PFKFB3: variants seen among roughly 807,000 people sequenced by gnomAD.
The protein encoded by PFKFB3 is 6-phosphofructo-2-kinase/fructose-2,6-biphosphatase 3, also known as 6-phosphofructo-2-kinase/fructose-2,6-bisphosphatase 3.
In PFKFB3, 33 loss-of-function variants were observed where a neutral mutation model predicts 68.0. The ratio of observed to expected loss-of-function variants is 0.49; its 90% CI spans 0.37 to 0.65. PFKFB3 has a LOEUF of 0.65. Ranked by LOEUF, PFKFB3 falls within the 30% of genes least tolerant of loss-of-function variation. The pLI, the probability that PFKFB3 is intolerant of heterozygous loss-of-function variation, is 0.00. For synonymous variants in PFKFB3, 315 were observed against 288.2 expected (o/e 1.09, Z -0.94); for missense variants, 586 against 712.2 (o/e 0.82, Z 2.02).
rs1330507305 is a variant in PFKFB3, at chr10:6,222,996, A to G, written c.1213+12A>G. 6.2e-7 allele frequency: 1 copy of G among 1,610,540 alleles called. No individual in the cohort carries two copies. The highest frequency in any genetic ancestry group is 1.1e-5 in the South Asian group (1 of 90,872). On this transcript the variant is annotated intron_variant, in intron 11 of 14. Coordinates refer to ENST00000379775, the MANE Select transcript of PFKFB3 (RefSeq NM_004566.4). ...GGATAAGAGTGCAGGTACCTCGGGC[A>G]GGTCGTGGCCCCGGGATGGAGGGAG... is the stretch of plus-strand genomic sequence containing the variant.
intron 1 of PFKFB3, among the ~76,000 whole-genome samples, chr10:6,209,410 A>G (rs1844007942): frequency 6.6e-6 from 1 of 152,190 alleles, no homozygotes; most frequent in Admixed American, 6.5e-5. Context: ...AAAATATTGA[A>G]CATTTACATA....
At chr10:6,217,409 CA>C (rs1844657120) in intron 6 of PFKFB3, among the ~76,000 whole-genome samples, 1 of 152,154 alleles carries the variant, frequency 6.6e-6, no homozygotes, top group Admixed American at 6.5e-5. Flanking sequence ...GGGCAGTGGG[CA>C]GGCTTGGATG....
intron 1 of PFKFB3, among the ~76,000 whole-genome samples, chr10:6,177,920 AC>A (rs1842577313): frequency 6.6e-6 from 1 of 152,066 alleles, no homozygotes; most frequent in African/African-American, 2.4e-5. Flanking sequence ...GGGAGTGGAT[AC>A]CTGAGGTGGG....
At chr10:6,309,866 C>T in the PFKFB3 span, among the ~76,000 whole-genome samples, 1 of 152,130 alleles carries the variant, frequency 6.6e-6, no homozygotes, top group African/African-American at 2.4e-5. Context: ...ATAAATGTTT[C>T]ACTTTCCTGA....
chr10:6,311,544 C>T, the PFKFB3 span, among the ~76,000 whole-genome samples: 2 of 151,978 alleles, frequency 1.3e-5, no homozygotes, highest in African/African-American at 4.8e-5. Flanking sequence ...AGGTCAGGAG[C>T]TCGAGACCAG....
At chr10:6,176,488 A>G (rs1201763888) in intron 1 of PFKFB3, among the ~76,000 whole-genome samples, 1 of 152,056 alleles carries the variant, frequency 6.6e-6, no homozygotes, top group Non-Finnish European at 1.5e-5. Context: ...GCTCACTGCA[A>G]CCTCGAATCC....
At chr10:6,209,555 C>G (rs1446421999) in intron 1 of PFKFB3, among the ~76,000 whole-genome samples, 5 of 151,858 alleles carry the variant, frequency 3.3e-5, no homozygotes, top group Non-Finnish European at 5.9e-5. Flanking sequence ...CTCACTGCAA[C>G]CTCTGCCTCC....
chr10:6,247,625 C>A (rs1215613803), intron 14 of PFKFB3, among the ~76,000 whole-genome samples: 2 of 152,292 alleles, frequency 1.3e-5, no homozygotes, highest in South Asian at 4.1e-4. Flanking sequence ...TCCTCCAGAC[C>A]CCTCCTAAGG....
chr10:6,215,412 CGTAGGGCTGGGCTGTGGGA>C lies in PFKFB3; in HGVS notation c.299+96_299+114del. On this transcript the variant is annotated intron_variant, in intron 3 of 14. Coordinates refer to ENST00000379775, the MANE Select transcript of PFKFB3 (RefSeq NM_004566.4). The surrounding 1 kb of genome is among the most constrained non-coding windows in gnomAD (Gnocchi z 4.3). Reference sequence around the variant, plus strand: ...TGCAGGAGTAAGGCTGGGCCGCGGGCGTAGGGCTGGGCTGTGGGAATAAGGCTGGGCTGCGGGGCTGCGG... The same window carrying C: ...TGCAGGAGTAAGGCTGGGCCGCGGGCATAAGGCTGGGCTGCGGGGCTGCGG... 1 of 899,682 alleles carries C rather than the reference CGTAGGGCTGGGCTGTGGGA, an allele frequency of 1.1e-6. No homozygotes were observed. The highest frequency in any genetic ancestry group is 1.8e-6 in the Non-Finnish European group (1 of 558,650). 55.7% of individuals were successfully genotyped at this position (899,682 alleles called of 1,614,324 possible).
At chr10:6,221,343 G>C in intron 8 of PFKFB3, 38 bp from the exon 9 acceptor site, 3 of 1,610,950 alleles carry the variant, frequency 1.9e-6, no homozygotes, top group Non-Finnish European at 1.7e-6. Flanking sequence ...GGAGCTGCGG[G>C]CATCTGGAAT....
downstream of PFKFB3, among the ~76,000 whole-genome samples, chr10:6,238,550 C>G (rs1016288040): frequency 7.4e-6 from 1 of 135,032 alleles, no homozygotes; most frequent in Non-Finnish European, 1.6e-5. Context: ...AGAACTAAAT[C>G]TTTTTTTTTT....
intron 14 of PFKFB3, among the ~76,000 whole-genome samples, chr10:6,246,623 A>G (rs1305343576): frequency 6.6e-6 from 1 of 152,024 alleles, no homozygotes; most frequent in Admixed American, 6.6e-5. Flanking sequence ...ATTACAGGCA[A>G]GAGCCACTGC....
the PFKFB3 span, among the ~76,000 whole-genome samples, chr10:6,318,101 C>T: frequency 2.6e-5 from 4 of 152,292 alleles, no homozygotes; most frequent in East Asian, 3.9e-4. Flanking sequence ...ATTCAGTTCC[C>T]GGGAAATAGC....
chr10:6,255,981 C>A (rs1466577831), downstream of PFKFB3, among the ~76,000 whole-genome samples: 1 of 152,170 alleles, frequency 6.6e-6, no homozygotes, highest in Non-Finnish European at 1.5e-5. Context: ...CGTGCTTCAG[C>A]GGGAAGAGCC....
chr10:6,285,122 A>T, the PFKFB3 span, among the ~76,000 whole-genome samples: 5 of 152,180 alleles, frequency 3.3e-5, no homozygotes, highest in Non-Finnish European at 7.4e-5. Flanking sequence ...TGGATGGATC[A>T]TATGGCAGTT....
At chr10:6,213,085 C>G (rs1844335651) in intron 1 of PFKFB3, among the ~76,000 whole-genome samples, 1 of 152,134 alleles carries the variant, frequency 6.6e-6, no homozygotes, top group Non-Finnish European at 1.5e-5. Flanking sequence ...CCCTGGGTAT[C>G]AGCTCAGGAA....
chr10:6,228,234 A>G lies in PFKFB3; in HGVS notation c.1515+1869A>G. On this transcript the variant is annotated intron_variant, in intron 14 of 14. Coordinates refer to ENST00000379775, the MANE Select transcript of PFKFB3 (RefSeq NM_004566.4). The surrounding 1 kb of genome is among the most constrained non-coding windows in gnomAD (Gnocchi z 4.5). The stretch of plus-strand genomic sequence containing the variant: ...AAGCCTGTCTGTAAGTATCTCTCCG[A>G]TCATCGCTGCTGCTTGCACTGCTTT... 1 of 1,612,546 alleles carries G rather than the reference A, an allele frequency of 6.2e-7. No homozygotes were observed. The highest frequency in any genetic ancestry group is 1.1e-5 in the South Asian group (1 of 91,072).
chr10:6,207,890 C>T (rs1000898123), intron 1 of PFKFB3, among the ~76,000 whole-genome samples: 5 of 152,104 alleles, frequency 3.3e-5, no homozygotes, highest in Non-Finnish European at 5.9e-5. Flanking sequence ...TTCTGTTCAT[C>T]GTCACTAAAA....
At chr10:6,257,189 C>G (rs1030702378), downstream of PFKFB3, among the ~76,000 whole-genome samples, 1 of 152,128 alleles carries the variant, frequency 6.6e-6, no homozygotes, top group African/African-American at 2.4e-5. Flanking sequence ...CTGTGTGAGA[C>G]CCCAGATTGT....
Sources: allele counts gnomAD v4.1 joint callset (sites outside exome capture counted in the v4.1 genomes callset), GRCh38; gene constraint gnomAD v4.1.1; non-coding constraint Gnocchi (gnomAD v3.1); transcripts MANE v1.5; gene names NCBI Gene and HGNC (gene_info 2026-07-23, HGNC 2026-07-21).